Variants in BRD7 observed in about 807,000 individuals in gnomAD.
BRD7 encodes bromodomain containing 7.
BRD7 carries 15 observed loss-of-function variants against 82.1 expected under a neutral mutation model. That is an observed-to-expected ratio of 0.18 (90% CI 0.12 to 0.28). The LOEUF (loss-of-function observed/expected upper bound fraction) is 0.28. BRD7 is among the 10% of genes least tolerant of loss of function. BRD7 has a pLI of 1.00. For synonymous variants in BRD7, 232 were observed against 266.9 expected, an observed-to-expected ratio of 0.87 and a Z score of 1.27; for missense variants, 638 against 779.9, an observed-to-expected ratio of 0.82 and a Z score of 2.17.
chr16:50,344,303 G>A (rs572323671), intron 5 of BRD7, among the ~76,000 whole-genome samples: 9 of 152,252 alleles, frequency 5.9e-5, no homozygotes, highest in Middle Eastern at 3.4e-3. Flanking sequence ...CCACAAAGAC[G>A]GGGAGAAACC....
rs1390195295 is a variant in BRD7 at position 50,368,873 on chromosome 16, C to T, written c.-99G>A. 12 of 762,806 alleles carry T rather than the reference C, an allele frequency of 1.6e-5. No homozygotes were observed. Among genetic ancestry groups the T allele is most frequent in the Non-Finnish European group, 3.3e-6 (2 of 611,032 alleles). 47.3% of individuals were successfully genotyped at this position (762,806 alleles called of 1,614,324 possible). On this transcript the variant is annotated 5_prime_UTR_variant, in exon 1 of 17. Coordinates refer to ENST00000394688, the MANE Select transcript of BRD7 (RefSeq NM_013263.5). ...GCGAGCGGAGGGCGGGAGCGGGGCCCGCGAGACCCCGCGCCGCGAGGCAGG... is the reference window on the plus strand; with the variant it reads ...GCGAGCGGAGGGCGGGAGCGGGGCCTGCGAGACCCCGCGCCGCGAGGCAGG...
chr16:50,363,701 T>C (rs762748222), intron 2 of BRD7, among the ~76,000 whole-genome samples: 2 of 152,138 alleles, frequency 1.3e-5, no homozygotes, highest in Non-Finnish European at 2.9e-5. Context: ...CAACTTTATC[T>C]TATTTTCCTA....
intron 9 of BRD7, 125 bp from the exon 10 acceptor site, chr16:50,326,516 C>T (rs1285996932): frequency 1.7e-5 from 9 of 538,442 alleles, no homozygotes; most frequent in East Asian, 9.3e-5. Flanking sequence ...GGCTGGGAAG[C>T]GCTTACTACA....
chr16:50,320,430 T>A (rs1048961526), intron 14 of BRD7, 39 bp from the exon 15 acceptor site: 2 of 1,601,282 alleles, frequency 1.2e-6, no homozygotes, highest in Non-Finnish European at 1.7e-6. Context: ...TGTTTGATCT[T>A]GTGCAGTAAA....
chr16:50,368,497 G>A lies in BRD7; in HGVS notation c.50-199C>T, dbSNP rs1012562405. The A allele has an allele frequency of 6.6e-6, 5 of 752,144 alleles. No individual in the cohort carries two copies. The Admixed American group carries it at 9.6e-5, about 14-fold the overall frequency. The allele number at this position is 752,144 out of a possible 1,614,324, so 46.6% of individuals were successfully genotyped here. On this transcript the variant is annotated intron_variant, in intron 1 of 16. Coordinates refer to ENST00000394688, the MANE Select transcript of BRD7 (RefSeq NM_013263.5). ...CCCCGAACGCTCCCAGGCCTCCCGGGCCCGCCTCACGTCTCCCCACCAGAG... is the reference window on the plus strand; with the variant it reads ...CCCCGAACGCTCCCAGGCCTCCCGGACCCGCCTCACGTCTCCCCACCAGAG...
At chr16:50,329,069 T>G (rs1597035783) in intron 8 of BRD7, among the ~76,000 whole-genome samples, 1 of 152,296 alleles carries the variant, frequency 6.6e-6, no homozygotes, top group Admixed American at 6.5e-5. Flanking sequence ...GAATTTCAGA[T>G]TTCGAATTTC....
intron 2 of BRD7, chr16:50,361,871 G>C (rs2038948609): frequency 6.7e-6 from 1 of 149,716 alleles, no homozygotes; most frequent in Non-Finnish European, 1.5e-5. Flanking sequence ...CCTCTGGTGT[G>C]TGGGCTTCCT....
At position 50,345,358 on chromosome 16, in the gene BRD7, A is replaced by C. The variant is rs181636318; in HGVS notation, c.591+4665T>G. ...ATCAAGGCTAGAAAGAAACTGCATC[A>C]ACTAACGAGCAAAATAACCAGCTAA... On this transcript the variant is annotated intron_variant, in intron 5 of 16. Coordinates refer to ENST00000394688, the MANE Select transcript of BRD7 (RefSeq NM_013263.5). Among the ~76,000 whole-genome samples the C allele has an allele frequency of 3.7e-4, 56 of 152,346 alleles. 1 individual carries two copies. The highest frequency in any genetic ancestry group is 1.3e-3 in the African/African-American group (55 of 41,576).
chr16:50,361,196 G>A (rs1011326234), intron 2 of BRD7, among the ~76,000 whole-genome samples: 4 of 152,188 alleles, frequency 2.6e-5, no homozygotes, highest in Non-Finnish European at 2.9e-5. Context: ...TCGGATGTTA[G>A]TTATGAGTCT....
chr16:50,321,932 C>G (rs1346636800), intron 13 of BRD7, 50 bp downstream of exon 13: 1 of 1,524,330 alleles, frequency 6.6e-7, no homozygotes, highest in African/African-American at 1.4e-5. Context: ...TTCTCTTACT[C>G]CCCTTATTTT....
chr16:50,337,256 CTTTT>C (rs71138063), intron 6 of BRD7, among the ~76,000 whole-genome samples: 3 of 93,248 alleles, frequency 3.2e-5, no homozygotes, highest in African/African-American at 9.0e-5. Context: ...GTTCATTCTT[CTTTT>C]TTTTTTTTTT....
chr16:50,333,107 A>G (rs774798735), intron 8 of BRD7, among the ~76,000 whole-genome samples: 1 of 152,190 alleles, frequency 6.6e-6, no homozygotes, highest in Non-Finnish European at 1.5e-5. Context: ...ACGTAACAAA[A>G]TGGTGTATGT....
chr16:50,353,609 T>A (rs1185239858), intron 4 of BRD7, among the ~76,000 whole-genome samples: 3 of 151,126 alleles, frequency 2.0e-5, no homozygotes, highest in Non-Finnish European at 3.0e-5. Flanking sequence ...TTATTTATTT[T>A]TTGAGACGGA....
intron 16 of BRD7, 135 bp from the exon 17 acceptor site, chr16:50,319,401 CG>C: frequency 1.4e-6 from 1 of 695,010 alleles, no homozygotes; most frequent in Non-Finnish European, 2.5e-6. Context: ...CTGAAGACTA[CG>C]CGCATTATCA....
intron 8 of BRD7, among the ~76,000 whole-genome samples, 156 bp from the exon 9 acceptor site, chr16:50,328,900 G>A (rs1302525411): frequency 2.0e-5 from 3 of 152,062 alleles, no homozygotes; most frequent in Non-Finnish European, 2.9e-5. Context: ...TCTTAGGGAT[G>A]GAACATAAAA....
rs1217648708 is a variant in BRD7, at chr16:50,316,937, C to CATACAGGAGCCTTTACAAGATGATT, written c.*2249_*2273dup. The CATACAGGAGCCTTTACAAGATGATT allele has an allele frequency of 2.0e-5, 3 of 152,714 alleles. No individual in the cohort carries two copies. The highest frequency in any genetic ancestry group is 4.4e-5 in the Non-Finnish European group (3 of 68,050). 9.5% of individuals were successfully genotyped at this position (152,714 alleles called of 1,614,324 possible). ...CCGTAAAGTTCTACACAAAGTCTTG[C>CATACAGGAGCCTTTACAAGATGATT]ATACAGGAGCCTTTACAAGATGATT... On this transcript the variant is annotated 3_prime_UTR_variant, in exon 17 of 17. Transcript: ENST00000394688.
intron 6 of BRD7, among the ~76,000 whole-genome samples, chr16:50,339,115 T>C (rs1030314047): frequency 1.3e-5 from 2 of 152,280 alleles, no homozygotes; most frequent in African/African-American, 2.4e-5. Flanking sequence ...TTGATGATGA[T>C]GTGTCTGTGC....
At position 50,368,738 on chromosome 16, in the gene BRD7, G is replaced by A; in HGVS notation, c.37C>T (p.His13Tyr). Residue 13 changes from histidine to tyrosine, a missense_variant, in exon 1 of 17, where the codon CAC becomes TAC. Coordinates refer to ENST00000394688, the MANE Select transcript of BRD7 (RefSeq NM_013263.5). ...GCCCCCTCCTCACCCTCGTAGAGGT[G>A]TTTGTCCGACTTGTGCTTCTTGTGC... ...KKHKKHKSDK[H>Y]LYEEYVEKPL... 6.4e-7 allele frequency: 1 copy of A among 1,556,658 alleles called. No individual in the cohort carries two copies. Among genetic ancestry groups the A allele is most frequent in the Non-Finnish European group, 8.7e-7 (1 of 1,153,120 alleles).
chr16:50,357,212 A>C (rs902212021), intron 2 of BRD7, among the ~76,000 whole-genome samples: 1 of 152,194 alleles, frequency 6.6e-6, no homozygotes, highest in African/African-American at 2.4e-5. Context: ...TGTACTTTCT[A>C]ACAAGTTTCC....
Sources: gnomAD v4.1 joint callset for allele counts (sites outside exome capture counted in the v4.1 genomes callset) on GRCh38, gnomAD v4.1.1 for gene constraint, MANE v1.5 for transcripts, NCBI Gene and HGNC (gene_info 2026-07-23, HGNC 2026-07-21) for gene names.